RAP1GDS1: variants seen among roughly 807,000 people sequenced by gnomAD.
RAP1GDS1 encodes RAP1, GTP-GDP dissociation stimulator 1.
In RAP1GDS1, 35 loss-of-function variants were observed where a neutral mutation model predicts 71.1. That is an observed-to-expected ratio of 0.49 (90% CI 0.38 to 0.65). The LOEUF is 0.65. Among genes scored for constraint, RAP1GDS1 ranks in the 30% least tolerant of loss-of-function variants. The pLI is 0.00. For synonymous variants in RAP1GDS1, 229 were observed against 243.1 expected (o/e 0.94, Z 0.54); for missense variants, 663 against 706.1 (o/e 0.94, Z 0.69).
At chr4:98,418,954 A>G (rs865995787) in intron 10 of RAP1GDS1, among the ~76,000 whole-genome samples, 163 bp downstream of exon 10, 8 of 152,350 alleles carry the variant, frequency 5.3e-5, no homozygotes, top group South Asian at 4.1e-4. Context: ...TGGAGATCAT[A>G]TGTTAAATAA....
At chr4:98,297,527 C>CT (rs1395035723) in intron 2 of RAP1GDS1, among the ~76,000 whole-genome samples, 1 of 152,108 alleles carries the variant, frequency 6.6e-6, no homozygotes, top group Non-Finnish European at 1.5e-5. Flanking sequence ...ATTATATCTA[C>CT]TTTGGTAATC....
chr4:98,350,923 A>T (rs1384829178), intron 3 of RAP1GDS1, among the ~76,000 whole-genome samples: 4 of 152,144 alleles, frequency 2.6e-5, no homozygotes, highest in Admixed American at 2.0e-4. Flanking sequence ...GTCAGGGAGG[A>T]TCCCTTAAGC....
rs1745966252 is a variant in RAP1GDS1 at position 98,405,356 on chromosome 4, A to G, written c.763+754A>G. ...AGTGGGTGGTTTAATAGCAGATTTA[A>G]TAGATACTGTTGAATTAAAGAACCA... is the stretch of plus-strand genomic sequence containing the variant. On this transcript the variant is annotated intron_variant, in intron 7 of 14. Coordinates refer to ENST00000408927, the MANE Select transcript of RAP1GDS1 (RefSeq NM_001100427.2). Among the ~76,000 whole-genome samples, 3 of 152,198 alleles carry G rather than the reference A, an allele frequency of 2.0e-5. No individual in the cohort carries two copies. The South Asian group carries it at 6.2e-4, about 31-fold the overall frequency.
At chr4:98,385,803 A>G (rs1337081009) in intron 5 of RAP1GDS1, among the ~76,000 whole-genome samples, 2 of 152,012 alleles carry the variant, frequency 1.3e-5, no homozygotes, top group African/African-American at 2.4e-5. Context: ...GGTAACTAGA[A>G]AAGTTTTTTT....
chr4:98,411,712 A>G (rs776955369), intron 7 of RAP1GDS1, among the ~76,000 whole-genome samples: 2 of 152,214 alleles, frequency 1.3e-5, no homozygotes, highest in Non-Finnish European at 2.9e-5. Flanking sequence ...TAATTGCACA[A>G]TGGATAGGAT....
At chr4:98,269,969 G>C (rs1004803598) in intron 1 of RAP1GDS1, among the ~76,000 whole-genome samples, 2 of 152,106 alleles carry the variant, frequency 1.3e-5, no homozygotes, top group Non-Finnish European at 2.9e-5. Flanking sequence ...TGCAGACTGG[G>C]TAATATATAA....
At chr4:98,430,361 T>C (rs1750228154) in intron 12 of RAP1GDS1, among the ~76,000 whole-genome samples, 1 of 152,246 alleles carries the variant, frequency 6.6e-6, no homozygotes, top group Admixed American at 6.5e-5. Context: ...TCTCACACTT[T>C]AATGAGCAGA....
In RAP1GDS1 at chr4:98,416,843, G is replaced by C. The variant is rs201519891; in HGVS notation, c.862G>C (p.Glu288Gln). ...TAGTGACAAAGAAGATGATATTACT[G>C]AGCTCAAAACTGGTTCAGATCTCAT... ...VDSDKEDDIT[E>Q]LKTGSDLMVL... Residue 288 changes from glutamate to glutamine, a missense_variant, in exon 8 of 15, where the codon GAG (glutamate) becomes CAG (glutamine). Glu to Gln is a conservative substitution (Grantham distance 29). Coordinates refer to ENST00000408927, the MANE Select transcript of RAP1GDS1 (RefSeq NM_001100427.2). The C allele has an allele frequency of 5.9e-5, 95 of 1,613,882 alleles. No homozygotes were observed. Among genetic ancestry groups the C allele is most frequent in the Non-Finnish European group, 7.5e-5 (88 of 1,179,972 alleles).
chr4:98,439,774 C>T (rs1751652769), intron 14 of RAP1GDS1, among the ~76,000 whole-genome samples: 1 of 152,096 alleles, frequency 6.6e-6, no homozygotes, highest in East Asian at 1.9e-4. Context: ...TCTTTTATTT[C>T]CTTGCAGAGA....
intron 2 of RAP1GDS1, among the ~76,000 whole-genome samples, chr4:98,328,571 C>T (rs1733483853): frequency 6.6e-6 from 1 of 152,120 alleles, no homozygotes. Context: ...TCGTTCTAGT[C>T]TACAGGTAGA....
At chr4:98,261,834 C>T (rs929943426) in intron 1 of RAP1GDS1, among the ~76,000 whole-genome samples, 9 of 152,136 alleles carry the variant, frequency 5.9e-5, no homozygotes, top group Non-Finnish European at 1.3e-4. Context: ...CCTCGCCTCC[C>T]CTCCTCCATT....
intron 11 of RAP1GDS1, among the ~76,000 whole-genome samples, chr4:98,420,600 G>A (rs980119866): frequency 5.3e-5 from 8 of 152,196 alleles, no homozygotes; most frequent in Middle Eastern, 3.4e-3. Flanking sequence ...GGCCTCAAGC[G>A]ATCCACCCAC....
intron 1 of RAP1GDS1, among the ~76,000 whole-genome samples, chr4:98,270,504 G>A (rs926228171): frequency 2.6e-5 from 4 of 152,074 alleles, no homozygotes; most frequent in Non-Finnish European, 5.9e-5. Context: ...TCTCAAGCTG[G>A]CTAAGATATG....
rs544325928 is a variant in RAP1GDS1, at chr4:98,331,785, T to C, written c.113-11354T>C. On this transcript the variant is annotated intron_variant, in intron 2 of 14. Coordinates refer to ENST00000408927, the MANE Select transcript of RAP1GDS1 (RefSeq NM_001100427.2). ...AAGTTAATTCTAGGTCAAAAAATCT[T>C]AATTTAGAATTTTGAGCTTGGGAAA... 8.5e-5 allele frequency among the ~76,000 whole-genome samples: 13 copies of C among 152,302 alleles called. 1 individual carries two copies. In the South Asian group the frequency reaches 2.3e-3, roughly 27 times the overall value.
At chr4:98,381,903 A>G (rs1164250474) in intron 5 of RAP1GDS1, among the ~76,000 whole-genome samples, 3 of 151,578 alleles carry the variant, frequency 2.0e-5, no homozygotes, top group Admixed American at 6.6e-5. Flanking sequence ...GAATATTTTC[A>G]AATTATTTAT....
chr4:98,362,695 A>G (rs1329927733), intron 4 of RAP1GDS1, among the ~76,000 whole-genome samples: 1 of 152,178 alleles, frequency 6.6e-6, no homozygotes, highest in Non-Finnish European at 1.5e-5. Context: ...TTTGAGTGTG[A>G]AAACTTCCTT....
At chr4:98,345,219 T>G (rs1331615728) in intron 3 of RAP1GDS1, among the ~76,000 whole-genome samples, 1 of 152,174 alleles carries the variant, frequency 6.6e-6, no homozygotes, top group Non-Finnish European at 1.5e-5. Context: ...ATATTTCTTT[T>G]TAGAAATTGA....
At chr4:98,296,919 A>T (rs1035755603) in intron 2 of RAP1GDS1, 1 of 388,592 alleles carries the variant, frequency 2.6e-6, no homozygotes, top group African/African-American at 2.3e-5. Flanking sequence ...CATTTTGAGG[A>T]TGAAGACCAT....
chr4:98,363,363 A>G (rs1294806736), intron 4 of RAP1GDS1, among the ~76,000 whole-genome samples: 2 of 151,324 alleles, frequency 1.3e-5, no homozygotes, highest in Non-Finnish European at 1.5e-5. Flanking sequence ...ACGTGTCTGT[A>G]ATCCCAGCTA....
Sources: allele counts gnomAD v4.1 joint callset (sites outside exome capture counted in the v4.1 genomes callset), GRCh38; gene constraint gnomAD v4.1.1; transcripts MANE v1.5; gene names NCBI Gene and HGNC (gene_info 2026-07-23, HGNC 2026-07-21).